LRMDA: variants seen among roughly 807,000 people sequenced by gnomAD.
LRMDA encodes leucine rich melanocyte differentiation associated.
A neutral mutation model predicts 29.8 loss-of-function variants in LRMDA; 18 were observed. The observed-to-expected ratio is 0.60, with a 90% CI of 0.42 to 0.90. The LOEUF (loss-of-function observed/expected upper bound fraction) is 0.90. Ranked by LOEUF, LRMDA falls within the 40% of genes least tolerant of loss-of-function variation. The pLI, the probability that LRMDA is intolerant of heterozygous loss-of-function variation, is 0.00. For missense variants in LRMDA, 273 were observed against 273.9 expected, an observed-to-expected ratio of 1.00 and a Z score of 0.02; for synonymous variants, 125 against 109.4, an observed-to-expected ratio of 1.14 and a Z score of -0.89.
intron 2 of LRMDA, among the ~76,000 whole-genome samples, chr10:75,815,270 T>G (rs1343901734): frequency 2.0e-5 from 3 of 152,224 alleles, no homozygotes; most frequent in Non-Finnish European, 4.4e-5. Context: ...CAGAGTTATT[T>G]AAATATGTAA....
At chr10:75,597,934 C>T (rs573598277) in intron 2 of LRMDA, among the ~76,000 whole-genome samples, 12 of 152,018 alleles carry the variant, frequency 7.9e-5, no homozygotes, top group Admixed American at 2.6e-4. Context: ...CAGCCTGCTG[C>T]GAGGGGACGC....
intron 2 of LRMDA, among the ~76,000 whole-genome samples, chr10:75,510,864 GC>G (rs1396577013): frequency 5.3e-5 from 8 of 152,120 alleles, no homozygotes; most frequent in Admixed American, 4.6e-4. Context: ...TTCTGAAATA[GC>G]CACACATATC....
At chr10:75,770,432 T>A (rs2132234381) in intron 2 of LRMDA, among the ~76,000 whole-genome samples, 1 of 152,364 alleles carries the variant, frequency 6.6e-6, no homozygotes, top group South Asian at 2.1e-4. Context: ...ATGTAATATG[T>A]ATTTCACCAT....
chr10:76,347,995 C>T (rs532844997), intron 6 of LRMDA, among the ~76,000 whole-genome samples: 47 of 152,022 alleles, frequency 3.1e-4, no homozygotes, highest in South Asian at 2.1e-3. Flanking sequence ...TTCCCTCAGG[C>T]GAGTACTAGG....
intron 6 of LRMDA, among the ~76,000 whole-genome samples, chr10:76,336,579 G>A (rs1236207181): frequency 6.6e-6 from 1 of 152,142 alleles, no homozygotes; most frequent in African/African-American, 2.4e-5. Flanking sequence ...ACAAGAGGGG[G>A]TGGGGAGCCA....
chr10:75,455,121 G>A (rs1026719479), intron 2 of LRMDA, among the ~76,000 whole-genome samples: 1 of 152,178 alleles, frequency 6.6e-6, no homozygotes, highest in South Asian at 2.1e-4. Context: ...GAGCTAGGTG[G>A]TCTTTCTTTA....
intron 2 of LRMDA, among the ~76,000 whole-genome samples, chr10:75,924,427 G>A (rs954878846): frequency 1.3e-5 from 2 of 152,186 alleles, no homozygotes; most frequent in African/African-American, 4.8e-5. Context: ...AGCAGAAAGT[G>A]CTTTTAAAGT....
At chr10:76,130,323 G>C (rs1161784717) in intron 5 of LRMDA, among the ~76,000 whole-genome samples, 1 of 152,132 alleles carries the variant, frequency 6.6e-6, no homozygotes, top group Non-Finnish European at 1.5e-5. Flanking sequence ...ATTTGGGTAG[G>C]CTACTAGTGT....
chr10:75,584,680 G>A (rs1564515867), intron 2 of LRMDA, among the ~76,000 whole-genome samples: 2 of 152,160 alleles, frequency 1.3e-5, no homozygotes, highest in Non-Finnish European at 2.9e-5. Flanking sequence ...AGATATATGA[G>A]ACAGAAAAAC....
intron 5 of LRMDA, among the ~76,000 whole-genome samples, chr10:76,259,320 C>T (rs973924770): frequency 2.0e-5 from 3 of 152,004 alleles, no homozygotes; most frequent in African/African-American, 7.2e-5. Flanking sequence ...TTTTTTCCTT[C>T]ACTCATTGGT....
intron 2 of LRMDA, among the ~76,000 whole-genome samples, chr10:75,964,827 G>A (rs935091880): frequency 6.6e-6 from 1 of 152,178 alleles, no homozygotes; most frequent in South Asian, 2.1e-4. Flanking sequence ...GAATGCAGTG[G>A]TACAATCTCG....
intron 5 of LRMDA, among the ~76,000 whole-genome samples, chr10:76,222,223 T>C (rs1316321857): frequency 6.6e-6 from 1 of 152,034 alleles, no homozygotes; most frequent in Non-Finnish European, 1.5e-5. Context: ...GGACTTCATG[T>C]CTAAAACACC....
intron 5 of LRMDA, among the ~76,000 whole-genome samples, chr10:76,224,578 GA>G (rs771389278): frequency 1.1e-4 from 13 of 119,848 alleles, no homozygotes; most frequent in South Asian, 5.6e-4. Context: ...TCTCAAAAAA[GA>G]AAAAAAAAAT....
chr10:76,295,017 A>G (rs1200485153), intron 5 of LRMDA, among the ~76,000 whole-genome samples: 1 of 152,154 alleles, frequency 6.6e-6, no homozygotes, highest in East Asian at 1.9e-4. Context: ...TAGGCTGTTG[A>G]GTGTTACGGA....
intron 6 of LRMDA, among the ~76,000 whole-genome samples, chr10:76,373,595 G>A (rs867594333): frequency 1.3e-5 from 2 of 152,138 alleles, no homozygotes; most frequent in Middle Eastern, 3.4e-3. Flanking sequence ...ACCATCAGTT[G>A]CATTGGTTTT....
At chr10:76,165,059 G>A (rs1008288771) in intron 5 of LRMDA, among the ~76,000 whole-genome samples, 1 of 152,206 alleles carries the variant, frequency 6.6e-6, no homozygotes, top group African/African-American at 2.4e-5. Context: ...TGCAAACTCT[G>A]CCTCCCAGGT....
chr10:75,993,597 A>G (rs1374182022), intron 2 of LRMDA, among the ~76,000 whole-genome samples: 2 of 151,810 alleles, frequency 1.3e-5, no homozygotes, highest in Non-Finnish European at 2.9e-5. Context: ...GCCAGGCGTG[A>G]TGGTGGGTGC....
intron 2 of LRMDA, among the ~76,000 whole-genome samples, chr10:75,809,409 T>G (rs147699091): frequency 2.6e-5 from 4 of 152,278 alleles, no homozygotes; most frequent in African/African-American, 7.2e-5. Flanking sequence ...TTTGTGAGGC[T>G]GAGGCAGGCA....
At chr10:75,558,730 G>A (rs1186866617) in intron 2 of LRMDA, among the ~76,000 whole-genome samples, 8 of 145,074 alleles carry the variant, frequency 5.5e-5, no homozygotes, top group African/African-American at 2.2e-4. Flanking sequence ...CCCTTCCTGT[G>A]TCCATGTGTT....
Sources: allele counts gnomAD v4.1 joint callset (sites outside exome capture counted in the v4.1 genomes callset), GRCh38; gene constraint gnomAD v4.1.1; transcripts MANE v1.5; gene names NCBI Gene and HGNC (gene_info 2026-07-23, HGNC 2026-07-21).